The following KDM4C variants were observed in gnomAD, a reference collection of about 807,000 sequenced individuals.
KDM4C encodes the protein lysine-specific demethylase 4C.
KDM4C carries 81 observed loss-of-function variants against 129.3 expected under a neutral mutation model. The ratio of observed to expected loss-of-function variants is 0.63; its 90% confidence interval spans 0.52 to 0.75. The LOEUF is 0.75. Among genes scored for constraint, KDM4C ranks in the 30% least tolerant of loss-of-function variants. The pLI is 0.00. For missense variants in KDM4C, 1,457 were observed against 1,304.0 expected (o/e 1.12, Z -1.81); for synonymous variants, 573 against 456.1 (o/e 1.26, Z -3.26).
At chr9:6,804,714 G>C (rs143938317) in intron 2 of KDM4C, among the ~76,000 whole-genome samples, 1 of 149,708 alleles carries the variant, frequency 6.7e-6, no homozygotes, top group African/African-American at 2.5e-5. Flanking sequence ...AGCTGAGATC[G>C]TGCCACTGCT....
At chr9:6,986,011 C>T (rs1038828725) in intron 10 of KDM4C, among the ~76,000 whole-genome samples, 1 of 152,204 alleles carries the variant, frequency 6.6e-6, no homozygotes. Flanking sequence ...CTTTCTCTTA[C>T]ACTGTGTTTA....
rs527350150 is a variant in KDM4C, at chr9:7,161,226, A to T, written c.2782-4012A>T. ...GCAGGCGTGTCCCATTTTTCCAAGT[A>T]CAGTCTGTCAAGGCTTCCCTTGGCT... is the stretch of plus-strand genomic sequence containing the variant. On this transcript the variant is annotated intron_variant, in intron 19 of 21. Coordinates refer to ENST00000381309, the MANE Select transcript of KDM4C (RefSeq NM_015061.6). Among the ~76,000 whole-genome samples, 41 of 152,200 alleles carry T rather than the reference A, an allele frequency of 2.7e-4. 1 individual carries two copies. Among genetic ancestry groups the T allele is most frequent in the Admixed American group, 2.3e-3 (35 of 15,296 alleles).
intron 8 of KDM4C, among the ~76,000 whole-genome samples, chr9:6,929,120 C>A (rs185767992): frequency 6.6e-6 from 1 of 152,168 alleles, no homozygotes; most frequent in Admixed American, 6.5e-5. Flanking sequence ...ATCTCCTCAC[C>A]CTCAGCTAGA....
chr9:6,887,284 G>A (rs1392745495), intron 6 of KDM4C, among the ~76,000 whole-genome samples: 1 of 152,216 alleles, frequency 6.6e-6, no homozygotes, highest in East Asian at 1.9e-4. Flanking sequence ...CAGCGATGGA[G>A]AAAACTGACT....
Position 6,967,715 on chromosome 9 carries a change from T to C in KDM4C, c.922-13210T>C, listed in dbSNP as rs552897774. Among the ~76,000 whole-genome samples, 6 of 152,334 alleles carry C rather than the reference T, an allele frequency of 3.9e-5. No homozygotes were observed. In the South Asian group the frequency reaches 1.0e-3, roughly 26 times the overall value. On this transcript the variant is annotated intron_variant, in intron 8 of 21. Transcript: ENST00000381309. ...ATAATCTCTGTAAGTTTTCTCAATA[T>C]GAGAACCATACCAGAGCCCTATTAT... is the stretch of plus-strand genomic sequence containing the variant.
chr9:6,733,012 C>G (rs544269975), intron 1 of KDM4C, among the ~76,000 whole-genome samples: 5 of 149,792 alleles, frequency 3.3e-5, no homozygotes, highest in Admixed American at 6.7e-5. Flanking sequence ...GACTCCGTCT[C>G]AAAAAATAAA....
At chr9:6,855,154 A>C (rs1234952158) in intron 5 of KDM4C, among the ~76,000 whole-genome samples, 1 of 152,188 alleles carries the variant, frequency 6.6e-6, no homozygotes, top group African/African-American at 2.4e-5. Flanking sequence ...ATTTGTATTA[A>C]TAAGTGTTCT....
At chr9:7,050,076 C>T (rs944824764) in intron 17 of KDM4C, among the ~76,000 whole-genome samples, 3 of 152,104 alleles carry the variant, frequency 2.0e-5, no homozygotes, top group South Asian at 4.2e-4. Flanking sequence ...TCCCCAATGG[C>T]GAGCTGGGTG....
chr9:6,846,860 A>T lies in KDM4C; in HGVS notation c.436-2647A>T, dbSNP rs1358263007. Among the ~76,000 whole-genome samples, 4 of 152,102 alleles carry T rather than the reference A, an allele frequency of 2.6e-5. 1 individual carries two copies. Among genetic ancestry groups the T allele is most frequent in the Admixed American group, 2.6e-4 (4 of 15,260 alleles). ...TTTTATTTTATTAAAGTTTATTTTC[A>T]TTAGCTTATTTAGTGCTCCGAGCAA... On this transcript the variant is annotated intron_variant, in intron 4 of 21. Coordinates refer to ENST00000381309, the MANE Select transcript of KDM4C (RefSeq NM_015061.6).
At chr9:6,890,605 T>C (rs1845980952) in intron 7 of KDM4C, among the ~76,000 whole-genome samples, 1 of 152,102 alleles carries the variant, frequency 6.6e-6, no homozygotes, top group Non-Finnish European at 1.5e-5. Context: ...AAATTCAGAG[T>C]TGCATTCTGT....
intron 17 of KDM4C, among the ~76,000 whole-genome samples, chr9:7,090,060 C>A (rs1021245963): frequency 6.6e-6 from 1 of 152,246 alleles, no homozygotes; most frequent in Non-Finnish European, 1.5e-5. Flanking sequence ...CTGTCCAATG[C>A]TTGAAACCCC....
At chr9:7,042,179 G>T (rs1409339925) in intron 15 of KDM4C, among the ~76,000 whole-genome samples, 1 of 152,002 alleles carries the variant, frequency 6.6e-6, no homozygotes. Context: ...TTCCTCTACA[G>T]ATAAAGTATC....
At chr9:6,916,853 C>A (rs1269832440) in intron 8 of KDM4C, among the ~76,000 whole-genome samples, 1 of 152,122 alleles carries the variant, frequency 6.6e-6, no homozygotes, top group Non-Finnish European at 1.5e-5. Context: ...AAGCAACTTT[C>A]AAAGCAACAG....
At chr9:6,796,394 GAT>G (rs988030643) in intron 2 of KDM4C, among the ~76,000 whole-genome samples, 1 of 152,188 alleles carries the variant, frequency 6.6e-6, no homozygotes, top group Non-Finnish European at 1.5e-5. Context: ...AGAGGTTGGG[GAT>G]AACCATCTCT....
chr9:7,163,103 C>G (rs943602025), intron 19 of KDM4C, among the ~76,000 whole-genome samples: 1 of 152,066 alleles, frequency 6.6e-6, no homozygotes, highest in Admixed American at 6.6e-5. Context: ...AGTGCAGGTT[C>G]TCTGTCTGCA....
At chr9:6,795,958 C>T (rs981025643) in intron 2 of KDM4C, among the ~76,000 whole-genome samples, 4 of 152,134 alleles carry the variant, frequency 2.6e-5, no homozygotes, top group African/African-American at 7.2e-5. Flanking sequence ...AAGCATCAGC[C>T]ACTGCCCCTG....
chr9:6,754,645 C>T (rs1041333355), upstream of KDM4C, among the ~76,000 whole-genome samples: 2 of 151,748 alleles, frequency 1.3e-5, no homozygotes, highest in African/African-American at 2.4e-5. Flanking sequence ...GAGGCTGAGG[C>T]GGGAGGATCA....
chr9:6,848,677 A>G (rs889542878), intron 4 of KDM4C, among the ~76,000 whole-genome samples: 2 of 152,104 alleles, frequency 1.3e-5, no homozygotes, highest in Non-Finnish European at 2.9e-5. Context: ...AGGGGAAAAA[A>G]AAAAAATGAT....
intron 15 of KDM4C, among the ~76,000 whole-genome samples, chr9:7,029,886 C>G (rs1433132096): frequency 6.6e-6 from 1 of 152,120 alleles, no homozygotes; most frequent in Non-Finnish European, 1.5e-5. Flanking sequence ...CAGCATTAAG[C>G]CTATGGTGTC....
Sources: allele counts gnomAD v4.1 joint callset (sites outside exome capture counted in the v4.1 genomes callset), GRCh38; gene constraint gnomAD v4.1.1; transcripts MANE v1.5; gene names NCBI Gene and HGNC (gene_info 2026-07-23, HGNC 2026-07-21).